LRRN2: variants seen among roughly 807,000 people sequenced by gnomAD.
LRRN2 encodes the protein leucine rich repeat neuronal 2, also known as leucine-rich repeat neuronal protein 2.
LRRN2 carries 10 observed loss-of-function variants against 35.7 expected under a neutral mutation model. The observed-to-expected ratio is 0.28, with a 90% confidence interval of 0.17 to 0.47. The LOEUF (loss-of-function observed/expected upper bound fraction) is 0.47, where lower values mean the gene tolerates loss of function less well. Among genes scored for constraint, LRRN2 ranks in the 20% least tolerant of loss-of-function variants. LRRN2 has a pLI of 0.99. For synonymous variants in LRRN2, 391 were observed against 409.6 expected (o/e 0.95, Z 0.55); for missense variants, 731 against 940.3 (o/e 0.78, Z 2.91).
intron 1 of LRRN2, among the ~76,000 whole-genome samples, chr1:204,639,378 A>G (rs898312124): frequency 1.2e-4 from 18 of 152,200 alleles, no homozygotes; most frequent in Admixed American, 8.5e-4. Context: ...TCATGCCTGT[A>G]ATCCCAGCAC....
intron 1 of LRRN2, among the ~76,000 whole-genome samples, chr1:204,652,271 G>GCCCCCCCGCCCCCCCGC (rs1301402688): frequency 2.0e-4 from 14 of 70,638 alleles, no homozygotes; most frequent in African/African-American, 7.3e-4. Flanking sequence ...CCCCCCCCCC[G>GCCCCCCCGCCCCCCCGC]CCCCCCCGCC....
At position 204,620,056 on chromosome 1, in the gene LRRN2, G is replaced by T; in HGVS notation, c.-64C>A. 6.5e-7 allele frequency: 1 copy of T among 1,539,580 alleles called. No individual in the cohort carries two copies. Among genetic ancestry groups the T allele is most frequent in the Non-Finnish European group, 8.8e-7 (1 of 1,141,754 alleles). On this transcript the variant is annotated 5_prime_UTR_variant, in exon 2 of 2. Transcript: ENST00000367177. ...TCTGGAGTCCTGCTCTTTGTGTTTT[G>T]CAGGGTAAGGGTCAGCAACCCTGCC... is the stretch of plus-strand genomic sequence containing the variant.
At chr1:204,663,281 T>C (rs1668508244) in intron 1 of LRRN2, among the ~76,000 whole-genome samples, 1 of 152,254 alleles carries the variant, frequency 6.6e-6, no homozygotes, top group East Asian at 1.9e-4. Context: ...AGAGATAAAC[T>C]GTACCGCATC....
chr1:204,666,004 G>T (rs1330206842), intron 1 of LRRN2, among the ~76,000 whole-genome samples: 1 of 152,236 alleles, frequency 6.6e-6, no homozygotes, highest in African/African-American at 2.4e-5. Flanking sequence ...TGGGAGGGTG[G>T]TGGTACAGGA....
At position 204,617,552 on chromosome 1, in the gene LRRN2, C is replaced by T. The variant is rs188113003; in HGVS notation, c.*299G>A. ...AGGTAGGGGACAGCCAAGCCAGGCC[C>T]AGGAGCCTCTGGGCAGAGAGAAGAT... is the stretch of plus-strand genomic sequence containing the variant. On this transcript the variant is annotated 3_prime_UTR_variant, in exon 2 of 2. Transcript: ENST00000367177. The T allele has an allele frequency of 5.7e-4, 227 of 398,166 alleles. No individual in the cohort carries two copies. Among genetic ancestry groups the T allele is most frequent in the African/African-American group, 4.4e-3 (215 of 48,586 alleles). The allele number at this position is 398,166 out of a possible 1,614,324, so 24.7% of individuals were successfully genotyped here. A position where few individuals can be genotyped will look rare whatever the true frequency, so the allele number is the denominator to read the frequency against.
At chr1:204,661,025 A>T (rs1407136031) in intron 1 of LRRN2, among the ~76,000 whole-genome samples, 2 of 152,080 alleles carry the variant, frequency 1.3e-5, no homozygotes, top group East Asian at 3.9e-4. Flanking sequence ...AGGCCTGAGG[A>T]GGGGAGGATG....
rs1339464532 is a variant in LRRN2 at position 204,652,236 on chromosome 1, C to T, written c.-226-32018G>A. Reference sequence around the variant, plus strand: ...CATGGGACCCTTCCCCCTCCTCTCTCCCCTTCGCCCTCTCCTCTTCACCGC... The same window carrying T: ...CATGGGACCCTTCCCCCTCCTCTCTTCCCTTCGCCCTCTCCTCTTCACCGC... On this transcript the variant is annotated intron_variant, in intron 1 of 1. Transcript: ENST00000367177. 2.1e-5 allele frequency among the ~76,000 whole-genome samples: 3 copies of T among 142,796 alleles called. No homozygotes were observed. The East Asian group carries it at 6.2e-4, about 30-fold the overall frequency. 93.7% of individuals were successfully genotyped at this position (142,796 alleles called of 152,430 possible).
At chr1:204,643,014 G>A (rs917847453) in intron 1 of LRRN2, among the ~76,000 whole-genome samples, 1 of 152,138 alleles carries the variant, frequency 6.6e-6, no homozygotes, top group Non-Finnish European at 1.5e-5. Flanking sequence ...ACACCATGAC[G>A]GACATGAAGA....
At chr1:204,656,319 G>A (rs60594759) in intron 1 of LRRN2, among the ~76,000 whole-genome samples, 9,691 of 152,162 alleles carry the variant, frequency 0.064, 865 homozygotes, top group African/African-American at 0.19. Context: ...CATTCTTATC[G>A]AAAAATTAGA....
intron 1 of LRRN2, among the ~76,000 whole-genome samples, chr1:204,672,487 G>GT: frequency 6.6e-6 from 1 of 152,306 alleles, no homozygotes; most frequent in South Asian, 2.1e-4. Flanking sequence ...GTGCTATAAT[G>GT]TGAATGAGGA....
At chr1:204,627,153 G>T (rs1272790157) in intron 1 of LRRN2, 1 of 152,160 alleles carries the variant, frequency 6.6e-6, no homozygotes, top group Non-Finnish European at 1.5e-5. Context: ...GCCACTTTAT[G>T]TTCCTCATCC....
Position 204,656,060 on chromosome 1 carries a change from C to G in LRRN2, c.-227+29260G>C, listed in dbSNP as rs1248653179. Among the ~76,000 whole-genome samples the G allele has an allele frequency of 2.0e-5, 3 of 149,986 alleles. No individual in the cohort carries two copies. The Admixed American group carries it at 2.0e-4, about 10-fold the overall frequency. The stretch of plus-strand genomic sequence containing the variant: ...CAGTAGCTGGGACTACAGGCGCCCG[C>G]CACCACGCCCGGCTAATTTTTCGTA... On this transcript the variant is annotated intron_variant, in intron 1 of 1. Transcript: ENST00000367177.
intron 1 of LRRN2, among the ~76,000 whole-genome samples, chr1:204,622,377 C>T (rs1017805166): frequency 3.3e-5 from 5 of 152,208 alleles, no homozygotes; most frequent in East Asian, 1.9e-4. Flanking sequence ...GGCAGGGTCC[C>T]GTTCCCTGAG....
chr1:204,618,343 G>C lies in LRRN2; in HGVS notation c.1650C>G (p.Asn550Lys). Residue 550 changes from asparagine to lysine, a missense_variant, in exon 2 of 2, where the codon AAC (asparagine) becomes AAG (lysine). This residue lies in a region of LRRN2 where 229 missense variants were observed against 258.4 expected (regional missense o/e 0.89). Transcript: ENST00000367177. ...HILLSWVTPP[N>K]TVSTNLTWSS... ...ACCAGGTGAGGTTGGTGGACACTGT[G>C]TTGGGTGGGGTGACCCAAGATAGCA... 2 of 1,595,566 alleles carry C rather than the reference G, an allele frequency of 1.3e-6. No individual in the cohort carries two copies. Among genetic ancestry groups the C allele is most frequent in the South Asian group, 2.3e-5 (2 of 87,094 alleles).
chr1:204,618,355 G>T lies in LRRN2; in HGVS notation c.1638C>A (p.Val546=). The stretch of plus-strand genomic sequence containing the variant: ...TGGTGGACACTGTGTTGGGTGGGGT[G>T]ACCCAAGATAGCAGGATGTGATAGG... ...THPYHILLSW[V]TPPNTVSTNL... The change falls in exon 2 of 2, where the codon GTC becomes GTA. Residue 546 remains valine (V), a synonymous_variant. Transcript: ENST00000367177. 1 of 1,598,378 alleles carries T rather than the reference G, an allele frequency of 6.3e-7. No homozygotes were observed. Among genetic ancestry groups the T allele is most frequent in the South Asian group, 1.1e-5 (1 of 88,006 alleles).
At position 204,617,917 on chromosome 1, in the gene LRRN2, T is replaced by C. The variant is rs772594137; in HGVS notation, c.2076A>G (p.Pro692=). 3.1e-6 allele frequency: 5 copies of C among 1,613,952 alleles called. No homozygotes were observed. In the African/African-American group the frequency reaches 5.3e-5, roughly 17 times the overall value. The change falls in exon 2 of 2, where the codon CCA becomes CCG. Residue 692 remains proline (P), a synonymous_variant. Coordinates refer to ENST00000367177, the MANE Select transcript of LRRN2 (RefSeq NM_201630.2). ...VSAPLVLPWN[P]GRKLPRSSEG... is the part of the protein sequence containing the mutation. ...CTGAGGATCTGGGCAGCTTCCTCCC[T>C]GGATTCCAGGGCAGGACGAGGGGAG...
chr1:204,629,674 T>A (rs1310641816), intron 1 of LRRN2: 4 of 173,812 alleles, frequency 2.3e-5, no homozygotes, highest in Admixed American at 6.3e-5. Context: ...CCCAGCCATG[T>A]GGAACTATAA....
chr1:204,619,651 A>G lies in LRRN2; in HGVS notation c.342T>C (p.His114=). 11 of 1,614,198 alleles carry G rather than the reference A, an allele frequency of 6.8e-6. No individual in the cohort carries two copies. Among genetic ancestry groups the G allele is most frequent in the Non-Finnish European group, 8.5e-6 (10 of 1,180,036 alleles). ...GCAGGCTCAGCAGCTGGGGCAGGGCATGGAAATCACAGTCTCGGGCATCCG... is the reference window on the plus strand; with the variant it reads ...GCAGGCTCAGCAGCTGGGGCAGGGCGTGGAAATCACAGTCTCGGGCATCCG... ...SFSDARDCDF[H]ALPQLLSLHL... is the part of the protein sequence containing the mutation. The change falls in exon 2 of 2, where the codon CAT becomes CAC. Residue 114 remains histidine, a synonymous_variant. Transcript: ENST00000367177.
intron 1 of LRRN2, among the ~76,000 whole-genome samples, chr1:204,656,463 T>C (rs1668358621): frequency 1.3e-5 from 2 of 152,226 alleles, no homozygotes; most frequent in Non-Finnish European, 2.9e-5. Context: ...ACAATTTGTC[T>C]CTCCCTGAGG....
Sources: allele counts gnomAD v4.1 joint callset (sites outside exome capture counted in the v4.1 genomes callset), GRCh38; gene constraint gnomAD v4.1.1; regional missense constraint gnomAD v4.1.1; transcripts MANE v1.5; gene names NCBI Gene and HGNC (gene_info 2026-07-23, HGNC 2026-07-21).